ALS2: variants seen among roughly 807,000 people sequenced by gnomAD.
ALS2 encodes the protein alsin.
In ALS2, 117 loss-of-function variants were observed where a neutral mutation model predicts 203.4. That is an observed-to-expected ratio of 0.58 (90% CI 0.50 to 0.67). The LOEUF is 0.67. ALS2 is among the 30% of genes least tolerant of loss of function. ALS2 has a pLI of 0.00. For missense variants in ALS2, 1,715 were observed against 1,989.4 expected (o/e 0.86, Z 2.62); for synonymous variants, 718 against 725.9 (o/e 0.99, Z 0.17).
chr2:201,744,451 G>T, intron 9 of ALS2, 22 bp from the exon 10 acceptor site: 1 of 1,608,988 alleles, frequency 6.2e-7, no homozygotes. Context: ...GAAAACAAAA[G>T]GATTAAATAT....
chr2:201,747,461 G>A (rs536869744), intron 8 of ALS2, among the ~76,000 whole-genome samples: 31 of 118,662 alleles, frequency 2.6e-4, no homozygotes, highest in South Asian at 1.0e-3. Context: ...GCACTCGGTC[G>A]CTTTTTTTTT....
At chr2:201,749,368 G>A (rs2106063333) in intron 8 of ALS2, among the ~76,000 whole-genome samples, 1 of 152,202 alleles carries the variant, frequency 6.6e-6, no homozygotes, top group Admixed American at 6.5e-5. Context: ...GTCAAACAAT[G>A]GAGAATTCAA....
chr2:201,728,579 A>G lies in ALS2; in HGVS notation c.2774T>C (p.Leu925Pro), dbSNP rs768166166. ...LCESSNRALS[L>P]QHAGRFSVNW... ...CACGGAAAACCTCCCAGCATGCTGC[A>G]GAGACAGGGCTCGGTTACTACTCTC... Residue 925 changes from leucine (L) to proline (P), a missense_variant, in exon 15 of 34, where the codon CTG becomes CCG. Physicochemically the swap from Leu to Pro is moderately conservative, Grantham distance 98. This residue lies in a region of ALS2 where 1,227 missense variants were observed against 1,413.5 expected (regional missense o/e 0.87). Coordinates refer to ENST00000264276, the MANE Select transcript of ALS2 (RefSeq NM_020919.4). The G allele has an allele frequency of 1.9e-6, 3 of 1,614,156 alleles. No individual in the cohort carries two copies. Among genetic ancestry groups the G allele is most frequent in the East Asian group, 2.2e-5 (1 of 44,886 alleles).
chr2:201,755,302 A>T (rs749125564), intron 5 of ALS2, among the ~76,000 whole-genome samples: 7 of 151,884 alleles, frequency 4.6e-5, no homozygotes, highest in African/African-American at 7.3e-5. Flanking sequence ...CGCTCTTGTC[A>T]TCCAGGCTGG....
intron 23 of ALS2, chr2:201,720,208 T>C (rs553748003): frequency 2.6e-6 from 1 of 379,172 alleles, no homozygotes; most frequent in Admixed American, 4.0e-5. Context: ...AATGCAAAAA[T>C]CCTCAACAAA....
At chr2:201,730,830 C>T (rs1238685469) in intron 13 of ALS2, among the ~76,000 whole-genome samples, 1 of 152,234 alleles carries the variant, frequency 6.6e-6, no homozygotes, top group Non-Finnish European at 1.5e-5. Flanking sequence ...GTGAAGAACG[C>T]AGTGACTACT....
At chr2:201,711,211 G>A in intron 25 of ALS2, 103 bp from the exon 26 acceptor site, 1 of 784,364 alleles carries the variant, frequency 1.3e-6, no homozygotes, top group Non-Finnish European at 2.3e-6. Context: ...TCAAAGTGGA[G>A]CATCCAACGT....
chr2:201,718,138 T>C lies in ALS2; in HGVS notation c.3775A>G (p.Ile1259Val), dbSNP rs1367687171. 8 of 1,613,664 alleles carry C rather than the reference T, an allele frequency of 5.0e-6. No homozygotes were observed. The highest frequency in any genetic ancestry group is 5.9e-6 in the Non-Finnish European group (7 of 1,179,694). Reference protein sequence around the residue: ...FSGEWGSGIKITGTYFKPSLY... With the variant: ...FSGEWGSGIKVTGTYFKPSLY... Reference sequence around the variant, plus strand: ...CTAGGTTTGAAGTAGGTTCCAGTGATTTTTATCCCAGATCCCCATTCTCCA... The same window carrying C: ...CTAGGTTTGAAGTAGGTTCCAGTGACTTTTATCCCAGATCCCCATTCTCCA... The change falls in exon 24 of 34, where the codon ATC (isoleucine) becomes GTC (valine). Residue 1259 changes from isoleucine (I) to valine (V), a missense_variant. By Grantham distance (29) the Ile-to-Val change is conservative. This residue lies in a region of ALS2 where 1,227 missense variants were observed against 1,413.5 expected (regional missense o/e 0.87). Transcript: ENST00000264276.
In ALS2 at chr2:201,709,942, A is replaced by G; in HGVS notation, c.4219T>C (p.Leu1407=). 1 of 1,614,076 alleles carries G rather than the reference A, an allele frequency of 6.2e-7. No homozygotes were observed. The highest frequency in any genetic ancestry group is 2.2e-5 in the East Asian group (1 of 44,874). ...TYVGVGANRR[L]LQEAVKEIKS... is the part of the protein sequence containing the mutation. ...ATCTCCTTTACAGCCTCCTGCAATAACCTGCGGTTGGCTCCTACGCCCACG... is the reference window on the plus strand; with the variant it reads ...ATCTCCTTTACAGCCTCCTGCAATAGCCTGCGGTTGGCTCCTACGCCCACG... The change falls in exon 27 of 34, where the codon TTA becomes CTA. Residue 1407 remains leucine (L), a synonymous_variant. Transcript: ENST00000264276.
rs753947052 is a variant in ALS2 at position 201,746,595 on chromosome 2, T to C, written c.1969A>G (p.Lys657Glu). The C allele has an allele frequency of 1.2e-6, 2 of 1,614,226 alleles. No individual in the cohort carries two copies. Among genetic ancestry groups the C allele is most frequent in the Admixed American group, 1.7e-5 (1 of 60,024 alleles). Residue 657 changes from lysine to glutamate, a missense_variant, in exon 9 of 34, where the codon AAG becomes GAG. Lys to Glu is a moderately conservative substitution (Grantham distance 56, BLOSUM62 1). Coordinates refer to ENST00000264276, the MANE Select transcript of ALS2 (RefSeq NM_020919.4). Reference sequence around the variant, plus strand: ...CTACAGGAGAGAAGTACTGGAGTCTTAGAACCACTGTGATTCTCTGGAAGG... The same window carrying C: ...CTACAGGAGAGAAGTACTGGAGTCTCAGAACCACTGTGATTCTCTGGAAGG... The part of the protein sequence containing the change: ...DNLPENHSGS[K>E]TPVLLSCSKL...
At chr2:201,728,367 T>A in intron 15 of ALS2, 145 bp downstream of exon 15, 1 of 1,160,544 alleles carries the variant, frequency 8.6e-7, no homozygotes, top group Non-Finnish European at 1.3e-6. Flanking sequence ...GTCCTTGCTA[T>A]AGTTTGCTGA....
chr2:201,778,873 A>G (rs1574817871), intron 1 of ALS2, among the ~76,000 whole-genome samples: 1 of 152,194 alleles, frequency 6.6e-6, no homozygotes, highest in Admixed American at 6.5e-5. Context: ...GCCTTCCTTT[A>G]TACAAGCTTA....
intron 1 of ALS2, among the ~76,000 whole-genome samples, chr2:201,779,391 G>C (rs1574818596): frequency 6.6e-6 from 1 of 152,130 alleles, no homozygotes; most frequent in Non-Finnish European, 1.5e-5. Context: ...ACTGGTCATA[G>C]TTTAGAAACT....
At chr2:201,721,627 A>G (rs1210885471) in intron 23 of ALS2, among the ~76,000 whole-genome samples, 1 of 152,166 alleles carries the variant, frequency 6.6e-6, no homozygotes, top group East Asian at 1.9e-4. Context: ...TTATCTTAAA[A>G]TGAATCACAG....
At position 201,723,590 on chromosome 2, in the gene ALS2, A is replaced by T; in HGVS notation, c.3513-149T>A. The T allele has an allele frequency of 8.6e-6, 6 of 695,076 alleles. No homozygotes were observed. In the South Asian group the frequency reaches 9.9e-5, roughly 11 times the overall value. The allele number at this position is 695,076 out of a possible 1,614,324, so 43.1% of individuals were successfully genotyped here. A position where few individuals can be genotyped will look rare whatever the true frequency, so the allele number is the denominator to read the frequency against. On this transcript the variant is annotated intron_variant, in intron 21 of 33. Transcript: ENST00000264276. ...TAAAATAGTTAACTTTGTCTCCTCA[A>T]ATATGGGACAAAGTGATAGCAAAAG...
In ALS2 at chr2:201,768,838, A is replaced by T. The variant is rs769784983; in HGVS notation, c.20+28T>A. 6 of 1,609,666 alleles carry T rather than the reference A, an allele frequency of 3.7e-6. No individual in the cohort carries two copies. The Admixed American group carries it at 1.0e-4, about 27-fold the overall frequency. On this transcript the variant is annotated intron_variant, in intron 2 of 33. Coordinates refer to ENST00000264276, the MANE Select transcript of ALS2 (RefSeq NM_020919.4). ...CTGTTTGCTATGTTTTCCTAGGAGG[A>T]TAAGAGAAAAGGAAGAAATGATTTT...
At chr2:201,779,531 C>A (rs1405432908) in intron 1 of ALS2, among the ~76,000 whole-genome samples, 1 of 152,130 alleles carries the variant, frequency 6.6e-6, no homozygotes, top group East Asian at 1.9e-4. Flanking sequence ...ATATTCAGTT[C>A]CCTTCCCCAT....
At chr2:201,704,973 C>T (rs958860902) in intron 31 of ALS2, among the ~76,000 whole-genome samples, 166 bp downstream of exon 31, 1 of 152,128 alleles carries the variant, frequency 6.6e-6, no homozygotes, top group East Asian at 1.9e-4. Context: ...TAAAAGATAA[C>T]CCAAGGGTCT....
chr2:201,768,629 A>AAAATGG (rs1223612388), intron 2 of ALS2, among the ~76,000 whole-genome samples: 1 of 152,244 alleles, frequency 6.6e-6, no homozygotes, highest in Admixed American at 6.5e-5. Flanking sequence ...TTGTGAGGGA[A>AAAATGG]AAATGGCTAC....
Sources: gnomAD v4.1 joint callset for allele counts (sites outside exome capture counted in the v4.1 genomes callset) on GRCh38, gnomAD v4.1.1 for gene constraint, gnomAD v4.1.1 regional missense constraint, MANE v1.5 for transcripts, NCBI Gene and HGNC (gene_info 2026-07-23, HGNC 2026-07-21) for gene names.